Variants in SMARCE1 observed in about 807,000 individuals in gnomAD.
The protein encoded by SMARCE1 is SWI/SNF-related matrix-associated actin-dependent regulator of chromatin subfamily E member 1.
SMARCE1 carries 13 observed loss-of-function variants against 54.9 expected under a neutral mutation model. The ratio of observed to expected loss-of-function variants is 0.24; its 90% CI spans 0.15 to 0.38. The LOEUF (loss-of-function observed/expected upper bound fraction) is 0.38. SMARCE1 is among the 10% of genes least tolerant of loss of function. The pLI is 1.00. For missense variants in SMARCE1, 295 were observed against 523.8 expected (o/e 0.56, Z 4.26); for synonymous variants, 151 against 175.3 (o/e 0.86, Z 1.10).
chr17:40,645,660 G>T (rs769749348), intron 2 of SMARCE1, 41 bp from the exon 3 acceptor site: 5 of 1,401,912 alleles, frequency 3.6e-6, no homozygotes, highest in Non-Finnish European at 4.8e-6. Context: ...AAACAACTGA[G>T]ATATAATACT....
At chr17:40,637,826 T>G (rs2037160670) in intron 4 of SMARCE1, 1 of 476,928 alleles carries the variant, frequency 2.1e-6, no homozygotes, top group African/African-American at 2.0e-5. Flanking sequence ...AATAAAATAT[T>G]ACACAGTAAC....
chr17:40,647,716 C>G (rs893516989), intron 1 of SMARCE1, 57 bp downstream of exon 1: 1 of 152,718 alleles, frequency 6.5e-6, no homozygotes, highest in African/African-American at 2.4e-5. Context: ...TCTAGCCAAG[C>G]GGGGACACCA....
rs776905514 is a variant in SMARCE1 at position 40,628,735 on chromosome 17, AC to A, written c.*49del. The A allele has an allele frequency of 6.7e-7, 1 of 1,501,074 alleles. No homozygotes were observed. The highest frequency in any genetic ancestry group is 1.4e-5 in the African/African-American group (1 of 72,330). 93.0% of individuals were successfully genotyped at this position (1,501,074 alleles called of 1,614,324 possible). ...CACGTAACACCATTAAAACCAAAAA[AC>A]ATTTTTTCATTAAAAAAAGTATTTA... On this transcript the variant is annotated 3_prime_UTR_variant, in exon 11 of 11. Coordinates refer to ENST00000348513, the MANE Select transcript of SMARCE1 (RefSeq NM_003079.5).
At chr17:40,629,264 G>A (rs2037066862) in intron 10 of SMARCE1, 3 of 410,876 alleles carry the variant, frequency 7.3e-6, no homozygotes, top group Non-Finnish European at 1.3e-5. Flanking sequence ...ATTGAGATGT[G>A]TATAAAGACT....
intron 4 of SMARCE1, among the ~76,000 whole-genome samples, chr17:40,639,575 C>A (rs1051670834): frequency 1.3e-5 from 2 of 151,924 alleles, no homozygotes; most frequent in Non-Finnish European, 2.9e-5. Context: ...TCCTTTCTCC[C>A]AAAGAAAGGT....
Position 40,628,712 on chromosome 17 carries a change from C to T in SMARCE1, c.*73G>A, listed in dbSNP as rs998833574. On this transcript the variant is annotated 3_prime_UTR_variant, in exon 11 of 11. Coordinates refer to ENST00000348513, the MANE Select transcript of SMARCE1 (RefSeq NM_003079.5). ...AGAAAAAAAATTAATACACAAACCA[C>T]GTAACACCATTAAAACCAAAAAACA... 13 of 1,254,150 alleles carry T rather than the reference C, an allele frequency of 1.0e-5. No individual in the cohort carries two copies. Among genetic ancestry groups the T allele is most frequent in the Middle Eastern group, 1.9e-4 (1 of 5,272 alleles). The allele number at this position is 1,254,150 out of a possible 1,614,324, so 77.7% of individuals were successfully genotyped here.
chr17:40,631,717 T>C, intron 8 of SMARCE1, 24 bp from the exon 9 acceptor site: 1 of 1,313,840 alleles, frequency 7.6e-7, no homozygotes, highest in Non-Finnish European at 1.1e-6. Context: ...TCAGGCTTCA[T>C]AATTGTGTCT....
chr17:40,628,778 G>T lies in SMARCE1; in HGVS notation c.*7C>A. On this transcript the variant is annotated 3_prime_UTR_variant, in exon 11 of 11. Coordinates refer to ENST00000348513, the MANE Select transcript of SMARCE1 (RefSeq NM_003079.5). Reference sequence around the variant, plus strand: ...AAGTATTTAGAACACACAAAACAAGGCAACACTTATTCTTTTTTCTCATCT... The same window carrying T: ...AAGTATTTAGAACACACAAAACAAGTCAACACTTATTCTTTTTTCTCATCT... 1 of 1,605,000 alleles carries T rather than the reference G, an allele frequency of 6.2e-7. No homozygotes were observed. The highest frequency in any genetic ancestry group is 8.5e-7 in the Non-Finnish European group (1 of 1,172,244).
chr17:40,637,421 TA>T, intron 5 of SMARCE1, 70 bp downstream of exon 5: 1 of 1,234,386 alleles, frequency 8.1e-7, no homozygotes. Context: ...TAAGCCGATC[TA>T]AAGTTGGATG....
chr17:40,635,505 T>C (rs562994991), intron 7 of SMARCE1: 1 of 153,836 alleles, frequency 6.5e-6, no homozygotes, highest in African/African-American at 2.4e-5. Context: ...ATTGGATTTC[T>C]GAATTAAATG....
intron 8 of SMARCE1, 178 bp from the exon 9 acceptor site, chr17:40,631,871 A>T: frequency 1.7e-6 from 1 of 578,968 alleles, no homozygotes; most frequent in Non-Finnish European, 3.1e-6. Context: ...TAAATGTTAA[A>T]GAATACTGTT....
intron 7 of SMARCE1, 95 bp from the exon 8 acceptor site, chr17:40,632,462 C>G: frequency 9.4e-7 from 1 of 1,066,254 alleles, no homozygotes; most frequent in Middle Eastern, 2.3e-4. Context: ...AACTATGGCC[C>G]TCACTGGCCT....
Position 40,642,591 on chromosome 17 carries a change from T to G in SMARCE1, c.52-32A>C, listed in dbSNP as rs752232583. On this transcript the variant is annotated intron_variant, in intron 3 of 10. Coordinates refer to ENST00000348513, the MANE Select transcript of SMARCE1 (RefSeq NM_003079.5). This position sits in a 1 kb window ranked among gnomAD's most constrained non-coding sequence, Gnocchi z 4.6. ...GAAACAAATGAGACAAAAACACGAA[T>G]GAGAAATGAGCTCAAACGAGGAAAA... is the stretch of plus-strand genomic sequence containing the variant. 11 of 1,307,268 alleles carry G rather than the reference T, an allele frequency of 8.4e-6. No homozygotes were observed. The highest frequency in any genetic ancestry group is 1.2e-5 in the Non-Finnish European group (11 of 907,402). 81.0% of individuals were successfully genotyped at this position (1,307,268 alleles called of 1,614,324 possible). A position where few individuals can be genotyped will look rare whatever the true frequency, so the allele number is the denominator to read the frequency against.
At chr17:40,645,950 A>C in intron 1 of SMARCE1, 103 bp from the exon 2 acceptor site, 1 of 422,842 alleles carries the variant, frequency 2.4e-6, no homozygotes. Context: ...ATTTCTGAGT[A>C]AAATTACTTC....
chr17:40,645,517 T>C, intron 3 of SMARCE1, 59 bp downstream of exon 3: 1 of 1,055,820 alleles, frequency 9.5e-7, no homozygotes. Flanking sequence ...GGAAGACATC[T>C]GGGTTTTTGT....
rs768018632 is a variant in SMARCE1 at position 40,635,965 on chromosome 17, C to T, written c.507G>A (p.Pro169=). 3.0e-5 allele frequency: 48 copies of T among 1,611,106 alleles called. No individual in the cohort carries two copies. The highest frequency in any genetic ancestry group is 1.6e-4 in the Middle Eastern group (1 of 6,076). ...QRQSRMEKGE[P]YMSIQPAEDP... Reference sequence around the variant, plus strand: ...CTTCAGCAGGCTGAATGCTCATGTACGGTTCTCCTTTCTCCATGCGAGATT... The same window carrying T: ...CTTCAGCAGGCTGAATGCTCATGTATGGTTCTCCTTTCTCCATGCGAGATT... The change falls in exon 7 of 11, where the codon CCG becomes CCA. Residue 169 remains proline, a synonymous_variant. Coordinates refer to ENST00000348513, the MANE Select transcript of SMARCE1 (RefSeq NM_003079.5).
intron 7 of SMARCE1, chr17:40,635,132 CTT>C (rs1470817097): frequency 3.9e-5 from 6 of 152,124 alleles, no homozygotes; most frequent in Admixed American, 6.5e-5. Flanking sequence ...TAGCCTTCCT[CTT>C]TGTTACTGCT....
chr17:40,635,936 G>T lies in SMARCE1; in HGVS notation c.536C>A (p.Pro179Gln). ...PYMSIQPAED[P>Q]DDYDDGFSMK... is the part of the protein sequence containing the mutation. ...CCCCACTTTTTTTCTTTTACCATCTGGATCTTCAGCAGGCTGAATGCTCAT... is the reference window on the plus strand; with the variant it reads ...CCCCACTTTTTTTCTTTTACCATCTTGATCTTCAGCAGGCTGAATGCTCAT... The change falls in exon 7 of 11, where the codon CCA becomes CAA. Residue 179 changes from proline to glutamine, a missense_variant. Pro to Gln is a moderately conservative substitution (Grantham distance 76). Transcript: ENST00000348513. 2 of 1,560,306 alleles carry T rather than the reference G, an allele frequency of 1.3e-6. No homozygotes were observed. The highest frequency in any genetic ancestry group is 2.0e-5 in the Admixed American group (1 of 51,226).
chr17:40,645,679 A>C (rs756784060), intron 2 of SMARCE1, 60 bp from the exon 3 acceptor site: 59 of 1,274,806 alleles, frequency 4.6e-5, no homozygotes, highest in Non-Finnish European at 6.2e-5. Flanking sequence ...CTATGCAACA[A>C]AACTACCAAT....
Sources: allele counts gnomAD v4.1 joint callset (sites outside exome capture counted in the v4.1 genomes callset), GRCh38; gene constraint gnomAD v4.1.1; non-coding constraint Gnocchi (gnomAD v3.1); transcripts MANE v1.5; gene names NCBI Gene and HGNC (gene_info 2026-07-23, HGNC 2026-07-21).